Variants in NEGR1 observed in about 807,000 individuals in gnomAD.
NEGR1 encodes IgLON family member 4.
A neutral mutation model predicts 40.9 loss-of-function variants in NEGR1; 10 were observed. The ratio of observed to expected loss-of-function variants is 0.24; its 90% CI spans 0.15 to 0.42. The LOEUF (loss-of-function observed/expected upper bound fraction) is 0.42, where lower values mean the gene tolerates loss of function less well. NEGR1 is among the 10% of genes least tolerant of loss of function. NEGR1 has a pLI of 1.00. For missense variants in NEGR1, 352 were observed against 438.9 expected, an observed-to-expected ratio of 0.80 and a Z score of 1.77; for synonymous variants, 185 against 166.8, an observed-to-expected ratio of 1.11 and a Z score of -0.84.
At chr1:72,066,077 T>G (rs762151351) in intron 1 of NEGR1, among the ~76,000 whole-genome samples, 3 of 152,108 alleles carry the variant, frequency 2.0e-5, no homozygotes, top group Non-Finnish European at 4.4e-5. Context: ...ATAGACTCAA[T>G]AATAAAAGTA....
In NEGR1 at chr1:72,282,415, A is replaced by C. The variant is rs1248610517; in HGVS notation, c.80T>G (p.Leu27Arg). The stretch of plus-strand genomic sequence containing the variant: ...TCCAGCCGGGAGGCAGGAGGGTAGC[A>C]GGCAGCACAGGCTGAGGAGCACCGC... ...LAAVLLSLCC[L>R]LPSCLPAGQS... Residue 27 changes from leucine to arginine, a missense_variant, in exon 1 of 7, where the codon CTG becomes CGG. Leu to Arg is a moderately radical substitution (Grantham distance 102). Transcript: ENST00000357731. 6 of 1,613,796 alleles carry C rather than the reference A, an allele frequency of 3.7e-6. No individual in the cohort carries two copies. Among genetic ancestry groups the C allele is most frequent in the African/African-American group, 1.3e-5 (1 of 74,928 alleles).
At chr1:71,844,570 G>A (rs1659342111) in intron 2 of NEGR1, among the ~76,000 whole-genome samples, 1 of 152,152 alleles carries the variant, frequency 6.6e-6, no homozygotes, top group Non-Finnish European at 1.5e-5. Context: ...CCTGCCAACA[G>A]TGTTCACATG....
At chr1:72,110,221 T>TAAAAAAAAAAAAAA (rs57618301) in intron 1 of NEGR1, among the ~76,000 whole-genome samples, 1 of 106,988 alleles carries the variant, frequency 9.3e-6, no homozygotes, top group African/African-American at 3.3e-5. Flanking sequence ...TAGAGTATAA[T>TAAAAAAAAAAAAAA]AAAAAAAAAA....
At chr1:71,528,127 T>A (rs549013282) in intron 6 of NEGR1, among the ~76,000 whole-genome samples, 5 of 151,386 alleles carry the variant, frequency 3.3e-5, no homozygotes, top group African/African-American at 1.2e-4. Context: ...CTCTATTAGA[T>A]AATAAAGATA....
chr1:71,925,248 C>T (rs1645761320), intron 2 of NEGR1, among the ~76,000 whole-genome samples: 1 of 152,166 alleles, frequency 6.6e-6, no homozygotes, highest in South Asian at 2.1e-4. Context: ...CAAATTTCAT[C>T]AGATTTTCAA....
intron 1 of NEGR1, among the ~76,000 whole-genome samples, chr1:71,954,136 G>A (rs1646096734): frequency 6.6e-6 from 1 of 151,890 alleles, no homozygotes; most frequent in African/African-American, 2.4e-5. Flanking sequence ...TAGAAAAGAG[G>A]ATGAATAAGA....
intron 6 of NEGR1, among the ~76,000 whole-genome samples, chr1:71,491,879 T>C (rs1335865658): frequency 6.6e-6 from 1 of 152,106 alleles, no homozygotes; most frequent in East Asian, 1.9e-4. Flanking sequence ...CCCTCCAAAA[T>C]TTATATGCTG....
chr1:71,903,777 C>T (rs1414836770), intron 2 of NEGR1, among the ~76,000 whole-genome samples: 1 of 151,500 alleles, frequency 6.6e-6, no homozygotes, highest in African/African-American at 2.4e-5. Context: ...ATTACTACAG[C>T]TATATCTATA....
chr1:72,201,272 T>C (rs1410217237), intron 1 of NEGR1, among the ~76,000 whole-genome samples: 1 of 151,342 alleles, frequency 6.6e-6, no homozygotes, highest in Non-Finnish European at 1.5e-5. Flanking sequence ...ATATTAAATA[T>C]TTGCTTCACT....
At chr1:71,484,095 A>G (rs1646872024) in intron 6 of NEGR1, among the ~76,000 whole-genome samples, 1 of 151,782 alleles carries the variant, frequency 6.6e-6, no homozygotes, top group South Asian at 2.1e-4. Flanking sequence ...TTAATCTACT[A>G]TGGATTTTAG....
chr1:71,981,200 T>C (rs1428334152), intron 1 of NEGR1, among the ~76,000 whole-genome samples: 2 of 152,114 alleles, frequency 1.3e-5, no homozygotes, highest in Non-Finnish European at 2.9e-5. Context: ...CATTGAGAAA[T>C]ACTATGATAA....
intron 2 of NEGR1, among the ~76,000 whole-genome samples, chr1:71,915,034 A>C (rs1661531326): frequency 6.6e-6 from 1 of 152,004 alleles, no homozygotes; most frequent in Non-Finnish European, 1.5e-5. Flanking sequence ...TGAAACCAAA[A>C]GTTTTTTCCA....
At chr1:71,847,843 G>T (rs567306611) in intron 2 of NEGR1, among the ~76,000 whole-genome samples, 1 of 152,328 alleles carries the variant, frequency 6.6e-6, no homozygotes, top group African/African-American at 2.4e-5. Context: ...ATTGAGGTTA[G>T]CGAGGAAGAC....
At chr1:71,846,791 G>T (rs74861878) in intron 2 of NEGR1, among the ~76,000 whole-genome samples, 2 of 152,068 alleles carry the variant, frequency 1.3e-5, no homozygotes, top group Non-Finnish European at 2.9e-5. Context: ...CTCACAGTGC[G>T]GAAGAGGCAA....
intron 1 of NEGR1, among the ~76,000 whole-genome samples, chr1:72,111,933 T>C (rs1054515157): frequency 6.6e-6 from 1 of 151,812 alleles, no homozygotes; most frequent in African/African-American, 2.4e-5. Flanking sequence ...AGATGTTTCC[T>C]GAGCACCTTA....
chr1:71,578,857 GA>G (rs1436802349), intron 6 of NEGR1, among the ~76,000 whole-genome samples: 1 of 152,108 alleles, frequency 6.6e-6, no homozygotes, highest in African/African-American at 2.4e-5. Flanking sequence ...ATTTCTTTAA[GA>G]AAAAATTGGC....
At chr1:71,420,642 G>A (rs1569851533) in intron 6 of NEGR1, among the ~76,000 whole-genome samples, 2 of 152,074 alleles carry the variant, frequency 1.3e-5, no homozygotes, top group East Asian at 3.9e-4. Flanking sequence ...AGACATTCTA[G>A]GCTTATGTCG....
intron 1 of NEGR1, among the ~76,000 whole-genome samples, chr1:72,231,085 A>T (rs1316833453): frequency 2.0e-5 from 3 of 152,172 alleles, no homozygotes; most frequent in Non-Finnish European, 4.4e-5. Context: ...TGAATGCATG[A>T]AAGTTGTTGG....
chr1:71,627,787 G>A (rs561991600), intron 4 of NEGR1, among the ~76,000 whole-genome samples: 11 of 152,172 alleles, frequency 7.2e-5, no homozygotes, highest in Admixed American at 7.2e-4. Context: ...AAGCCAAAGA[G>A]AGCTCTATGG....
Sources: allele counts gnomAD v4.1 joint callset (sites outside exome capture counted in the v4.1 genomes callset), GRCh38; gene constraint gnomAD v4.1.1; transcripts MANE v1.5; gene names NCBI Gene and HGNC (gene_info 2026-07-23, HGNC 2026-07-21).